KSR1: variants seen among roughly 807,000 people sequenced by gnomAD.
The protein encoded by KSR1 is kinase suppressor of ras 1, also known as kinase suppressor of ras.
Under a neutral mutation model 92.9 loss-of-function variants are expected in KSR1, and 35 were observed. The ratio of observed to expected loss-of-function variants is 0.38; its 90% CI spans 0.29 to 0.50. The LOEUF is 0.50. KSR1 is among the 20% of genes least tolerant of loss of function. KSR1 has a pLI of 0.94. For missense variants in KSR1, 972 were observed against 1,158.5 expected (o/e 0.84, Z 2.34); for synonymous variants, 467 against 472.6 (o/e 0.99, Z 0.15).
intron 1 of KSR1, among the ~76,000 whole-genome samples, chr17:27,484,203 T>C (rs2068597825): frequency 6.6e-6 from 1 of 152,214 alleles, no homozygotes; most frequent in African/African-American, 2.4e-5. Flanking sequence ...TCTGTCCTTT[T>C]CACAGATTTC....
At chr17:27,566,923 T>C (rs1260489799) in intron 2 of KSR1, among the ~76,000 whole-genome samples, 2 of 152,296 alleles carry the variant, frequency 1.3e-5, no homozygotes, top group East Asian at 3.9e-4. Flanking sequence ...GCTCTACCTC[T>C]CCATGCTTCT....
chr17:27,582,281 G>C (rs915125959), intron 3 of KSR1, among the ~76,000 whole-genome samples: 2 of 152,168 alleles, frequency 1.3e-5, no homozygotes, highest in African/African-American at 4.8e-5. Flanking sequence ...TGGAGCATTT[G>C]CAGTATGCCT....
At chr17:27,556,113 G>GA (rs1206735585) in intron 2 of KSR1, among the ~76,000 whole-genome samples, 1 of 152,124 alleles carries the variant, frequency 6.6e-6, no homozygotes, top group Non-Finnish European at 1.5e-5. Context: ...TTTCTACAGG[G>GA]AAAAAAACCT....
chr17:27,518,011 C>T (rs928199022), intron 1 of KSR1, among the ~76,000 whole-genome samples: 3 of 152,188 alleles, frequency 2.0e-5, no homozygotes, highest in African/African-American at 7.2e-5. Context: ...CACATGAGGC[C>T]AGATGCTCTT....
intron 2 of KSR1, among the ~76,000 whole-genome samples, chr17:27,573,459 A>G (rs1428457310): frequency 6.6e-6 from 1 of 152,248 alleles, no homozygotes; most frequent in Non-Finnish European, 1.5e-5. Flanking sequence ...GTTTTTCTGT[A>G]TATCATGAAC....
intron 1 of KSR1, among the ~76,000 whole-genome samples, chr17:27,533,861 TG>T (rs893154922): frequency 1.3e-5 from 2 of 152,204 alleles, no homozygotes; most frequent in Non-Finnish European, 2.9e-5. Flanking sequence ...GGTGGTCAGT[TG>T]ATTTCTTGAG....
chr17:27,580,483 C>T (rs2072707569), intron 3 of KSR1, among the ~76,000 whole-genome samples: 1 of 152,130 alleles, frequency 6.6e-6, no homozygotes, highest in Non-Finnish European at 1.5e-5. Flanking sequence ...GTGGCTTGAC[C>T]ACCTCTGATG....
At chr17:27,617,536 GT>G (rs565885821) in intron 19 of KSR1, 108 bp downstream of exon 19, 139 of 1,319,370 alleles carry the variant, frequency 1.1e-4, no homozygotes, top group South Asian at 1.8e-4. Context: ...GTTTTTTGGG[GT>G]TTTTTTTGAG....
chr17:27,561,211 A>C (rs1424721094), intron 2 of KSR1, among the ~76,000 whole-genome samples: 1 of 152,228 alleles, frequency 6.6e-6, no homozygotes, highest in Non-Finnish European at 1.5e-5. Context: ...CTTCCTTCTC[A>C]TACACAATTT....
At chr17:27,599,531 T>C (rs1365093739) in intron 10 of KSR1, among the ~76,000 whole-genome samples, 1 of 152,254 alleles carries the variant, frequency 6.6e-6, no homozygotes, top group East Asian at 1.9e-4. Flanking sequence ...CACTCCAGCC[T>C]GGGTGACAGA....
chr17:27,529,654 G>A (rs1035074274), intron 1 of KSR1, among the ~76,000 whole-genome samples: 2 of 152,200 alleles, frequency 1.3e-5, no homozygotes, highest in African/African-American at 4.8e-5. Context: ...TGTTATGGTT[G>A]CCGGCAGAGG....
chr17:27,528,896 C>A (rs1431645385), intron 1 of KSR1, among the ~76,000 whole-genome samples: 1 of 151,814 alleles, frequency 6.6e-6, no homozygotes, highest in African/African-American at 2.4e-5. Context: ...CAAGAGAGAC[C>A]CTGTCTCTAC....
chr17:27,559,154 G>C lies in KSR1; in HGVS notation c.372+8446G>C, dbSNP rs1362181471. 6.6e-6 allele frequency among the ~76,000 whole-genome samples: 1 copy of C among 152,256 alleles called. No homozygotes were observed. Among genetic ancestry groups the C allele is most frequent in the Non-Finnish European group, 1.5e-5 (1 of 68,046 alleles). On this transcript the variant is annotated intron_variant, in intron 2 of 20. Transcript: ENST00000644974. The surrounding 1 kb of genome is among the most constrained non-coding windows in gnomAD (Gnocchi z 4.2). ...TTCTACTAGAGGAAGAGAGGGGATA[G>C]ACATGGATGTGGTCACACAGTACGG... is the stretch of plus-strand genomic sequence containing the variant.
intron 1 of KSR1, among the ~76,000 whole-genome samples, chr17:27,512,994 T>C (rs1291338647): frequency 1.3e-5 from 2 of 152,194 alleles, no homozygotes; most frequent in Non-Finnish European, 2.9e-5. Flanking sequence ...AGCTTGACTT[T>C]AGTAGTAGTT....
intron 3 of KSR1, among the ~76,000 whole-genome samples, 200 bp from the exon 4 acceptor site, chr17:27,582,446 G>A (rs1183987733): frequency 6.6e-6 from 1 of 152,136 alleles, no homozygotes; most frequent in Non-Finnish European, 1.5e-5. Flanking sequence ...TATCTGCGCC[G>A]AGGGCCTCAT....
chr17:27,481,956 T>C (rs924334948), intron 1 of KSR1, among the ~76,000 whole-genome samples: 1 of 152,238 alleles, frequency 6.6e-6, no homozygotes, highest in South Asian at 2.1e-4. Context: ...GTTGTGTTCA[T>C]TGATTGGACT....
chr17:27,526,027 C>CTTTTA (rs1467256117), intron 1 of KSR1, among the ~76,000 whole-genome samples: 1 of 100,244 alleles, frequency 1.0e-5, no homozygotes, highest in Non-Finnish European at 1.8e-5. Flanking sequence ...CTTTTCTTTT[C>CTTTTA]TTTTCTTTTC....
In KSR1 at chr17:27,559,775, A is replaced by G. The variant is rs1434802550; in HGVS notation, c.372+9067A>G. On this transcript the variant is annotated intron_variant, in intron 2 of 20. Coordinates refer to ENST00000644974, the MANE Select transcript of KSR1 (RefSeq NM_001394583.1). This position sits in a 1 kb window ranked among gnomAD's most constrained non-coding sequence, Gnocchi z 4.2. ...GGCAAGAGCACACCAGGCGGAGGGA[A>G]GAATATCTGCAGAGACCCTGAGGAT... 2.0e-5 allele frequency among the ~76,000 whole-genome samples: 3 copies of G among 152,190 alleles called. No individual in the cohort carries two copies. Among genetic ancestry groups the G allele is most frequent in the African/African-American group, 7.2e-5 (3 of 41,460 alleles).
At chr17:27,607,687 G>A (rs1386873540) in intron 14 of KSR1, among the ~76,000 whole-genome samples, 1 of 152,176 alleles carries the variant, frequency 6.6e-6, no homozygotes, top group Non-Finnish European at 1.5e-5. Flanking sequence ...GGCTCTCAGG[G>A]AATGGGGGTT....
Sources: allele counts gnomAD v4.1 joint callset (sites outside exome capture counted in the v4.1 genomes callset), GRCh38; gene constraint gnomAD v4.1.1; non-coding constraint Gnocchi (gnomAD v3.1); transcripts MANE v1.5; gene names NCBI Gene and HGNC (gene_info 2026-07-23, HGNC 2026-07-21).